Variants in LPCAT1 observed in about 807,000 individuals in gnomAD.
The protein encoded by LPCAT1 is 1-acylglycerol-3-phosphate O-acyltransferase.
Under a neutral mutation model 60.9 loss-of-function variants are expected in LPCAT1, and 23 were observed. The ratio of observed to expected loss-of-function variants is 0.38; its 90% confidence interval spans 0.27 to 0.53. The LOEUF (loss-of-function observed/expected upper bound fraction) is 0.53. Among genes scored for constraint, LPCAT1 ranks in the 20% least tolerant of loss-of-function variants. The pLI is 0.82. For missense variants in LPCAT1, 622 were observed against 723.6 expected, an observed-to-expected ratio of 0.86 and a Z score of 1.61; for synonymous variants, 340 against 301.1, an observed-to-expected ratio of 1.13 and a Z score of -1.34.
Position 1,523,050 on chromosome 5 carries a change from T to A in LPCAT1, c.135+660A>T, listed in dbSNP as rs538021628. Among the ~76,000 whole-genome samples, 15 of 152,250 alleles carry A rather than the reference T, an allele frequency of 9.9e-5. No homozygotes were observed. The highest frequency in any genetic ancestry group is 3.6e-4 in the African/African-American group (15 of 41,546). ...GGGTCAGACCAGCCCCGAGAAAGCA[T>A]CCCTTACAACAGGAGCGAAGCATGC... On this transcript the variant is annotated intron_variant, in intron 1 of 13. Transcript: ENST00000283415. This position sits in a 1 kb window ranked among gnomAD's most constrained non-coding sequence, Gnocchi z 7.1.
chr5:1,499,328 GA>G (rs1377304253), intron 2 of LPCAT1, among the ~76,000 whole-genome samples: 1 of 152,200 alleles, frequency 6.6e-6, no homozygotes, highest in Non-Finnish European at 1.5e-5. Flanking sequence ...GGAGTAAAGA[GA>G]AAGGGTGCCA....
At position 1,474,616 on chromosome 5, in the gene LPCAT1, G is replaced by T; in HGVS notation, c.969C>A (p.Leu323=). Residue 323 remains leucine (L), a synonymous_variant, in exon 10 of 14, where the codon CTC becomes CTA. Coordinates refer to ENST00000283415, the MANE Select transcript of LPCAT1 (RefSeq NM_024830.5). ...AAAGGCAAGTGTCAGCGGGGAGACG[G>T]AGCTGTCCTTCCGCCAGGGCCAGCT... The part of the protein sequence containing the change: ...DCQLALAEGQ[L]RLPADTCLLE... 6.2e-7 allele frequency: 1 copy of T among 1,614,012 alleles called. No homozygotes were observed. Among genetic ancestry groups the T allele is most frequent in the Non-Finnish European group, 8.5e-7 (1 of 1,180,006 alleles).
intron 1 of LPCAT1, among the ~76,000 whole-genome samples, chr5:1,518,363 C>T (rs1005449327): frequency 3.9e-5 from 6 of 152,184 alleles, no homozygotes; most frequent in Non-Finnish European, 8.8e-5. Context: ...TTTTTGGAGA[C>T]GGAGTCCGGC....
Position 1,521,514 on chromosome 5 carries a change from T to C in LPCAT1, c.135+2196A>G. ...GAATATATCACATCAAAGTAAAAGC[T>C]TTGCAAAGCAATGCTTGGTGAAAAG... On this transcript the variant is annotated intron_variant, in intron 1 of 13. Transcript: ENST00000283415. The surrounding 1 kb of genome is among the most constrained non-coding windows in gnomAD (Gnocchi z 4.3). 7 of 983,078 alleles carry C rather than the reference T, an allele frequency of 7.1e-6. No homozygotes were observed. The highest frequency in any genetic ancestry group is 8.5e-6 in the Non-Finnish European group (7 of 827,768). The allele number at this position is 983,078 out of a possible 1,614,324, so 60.9% of individuals were successfully genotyped here.
intron 1 of LPCAT1, among the ~76,000 whole-genome samples, chr5:1,519,646 G>C (rs1200392987): frequency 1.3e-5 from 2 of 152,230 alleles, no homozygotes; most frequent in Non-Finnish European, 2.9e-5. Context: ...CACAGCAGCT[G>C]GGCCTCTGTG....
chr5:1,505,891 C>T (rs1345952828), intron 1 of LPCAT1, among the ~76,000 whole-genome samples: 3 of 152,250 alleles, frequency 2.0e-5, no homozygotes, highest in African/African-American at 7.2e-5. Context: ...TGCCTGACCA[C>T]GTGACGCTCC....
Position 1,474,127 on chromosome 5 carries a change from G to A in LPCAT1, c.1026-17C>T, listed in dbSNP as rs753758133. 6.2e-7 allele frequency: 1 copy of A among 1,602,468 alleles called. No homozygotes were observed. On this transcript the variant is annotated splice_polypyrimidine_tract_variant and intron_variant, in intron 10 of 13. Coordinates refer to ENST00000283415, the MANE Select transcript of LPCAT1 (RefSeq NM_024830.5). ...GGTTTTAGCCTAGACAAAAAAAGAGGGAAAGCTTTCTTTTTCAATAAAATG... is the reference window on the plus strand; with the variant it reads ...GGTTTTAGCCTAGACAAAAAAAGAGAGAAAGCTTTCTTTTTCAATAAAATG...
At position 1,496,414 on chromosome 5, in the gene LPCAT1, C is replaced by CTA. The variant is rs1458599016; in HGVS notation, c.279-1501_279-1500insTA. Among the ~76,000 whole-genome samples, 43 of 144,484 alleles carry CTA rather than the reference C, an allele frequency of 3.0e-4. No individual in the cohort carries two copies. The highest frequency in any genetic ancestry group is 1.1e-3 in the African/African-American group (43 of 37,440). 94.8% of individuals were successfully genotyped at this position (144,484 alleles called of 152,430 possible). A position where few individuals can be genotyped will look rare whatever the true frequency, so the allele number is the denominator to read the frequency against. The stretch of plus-strand genomic sequence containing the variant: ...TACTCTTCTGTGCACATGTTATTTT[C>CTA]CACAAAAAAAAAAAAAAAGTACAAA... On this transcript the variant is annotated intron_variant, in intron 2 of 13. Transcript: ENST00000283415. This position sits in a 1 kb window ranked among gnomAD's most constrained non-coding sequence, Gnocchi z 4.7.
Position 1,521,359 on chromosome 5 carries a change from A to T in LPCAT1, c.135+2351T>A. Reference sequence around the variant, plus strand: ...TGCAGGTACTCACTGGTTTATCTCAACTGGGAACTTAGCTGGGTTTCTGCG... The same window carrying T: ...TGCAGGTACTCACTGGTTTATCTCATCTGGGAACTTAGCTGGGTTTCTGCG... On this transcript the variant is annotated intron_variant, in intron 1 of 13. Transcript: ENST00000283415. The surrounding 1 kb of genome is among the most constrained non-coding windows in gnomAD (Gnocchi z 4.3). The T allele has an allele frequency of 1.0e-6, 1 of 985,448 alleles. No homozygotes were observed. The highest frequency in any genetic ancestry group is 1.2e-6 in the Non-Finnish European group (1 of 829,936). The allele number at this position is 985,448 out of a possible 1,614,324, so 61.0% of individuals were successfully genotyped here. A position where few individuals can be genotyped will look rare whatever the true frequency, so the allele number is the denominator to read the frequency against.
chr5:1,504,759 T>C (rs1442662002), intron 1 of LPCAT1, among the ~76,000 whole-genome samples: 1 of 151,410 alleles, frequency 6.6e-6, no homozygotes, highest in East Asian at 1.9e-4. Flanking sequence ...TGGGTAAGTT[T>C]CTTCTTCCCA....
At chr5:1,494,610 G>T in intron 3 of LPCAT1, 90 bp downstream of exon 3, 1 of 1,241,290 alleles carries the variant, frequency 8.1e-7, no homozygotes, top group Non-Finnish European at 1.2e-6. Context: ...ACTCCCAGCA[G>T]GAGGGGAATC....
chr5:1,471,766 TA>T lies in LPCAT1; in HGVS notation c.1180-843del, dbSNP rs200199422. Reference sequence around the variant, plus strand: ...AAGAGAAGGTGGGGAGCACACAGGATAGGGGGGAGGACTCTGGCCAGACAGC... The same window carrying T: ...AAGAGAAGGTGGGGAGCACACAGGATGGGGGGAGGACTCTGGCCAGACAGC... On this transcript the variant is annotated intron_variant, in intron 11 of 13. Transcript: ENST00000283415. Among the ~76,000 whole-genome samples the T allele has an allele frequency of 4.4e-3, 626 of 142,656 alleles. 1 individual carries two copies. Among genetic ancestry groups the T allele is most frequent in the African/African-American group, 0.015 (561 of 37,428 alleles). The allele number at this position is 142,656 out of a possible 152,430, so 93.6% of individuals were successfully genotyped here.
At chr5:1,466,040 A>G (rs1734385278) in intron 13 of LPCAT1, among the ~76,000 whole-genome samples, 3 of 152,186 alleles carry the variant, frequency 2.0e-5, no homozygotes, top group Admixed American at 2.0e-4. Context: ...GTTTGCTCTA[A>G]GACCACCCTT....
Position 1,521,476 on chromosome 5 carries a change from G to A in LPCAT1, c.135+2234C>T, listed in dbSNP as rs914677539. On this transcript the variant is annotated intron_variant, in intron 1 of 13. Coordinates refer to ENST00000283415, the MANE Select transcript of LPCAT1 (RefSeq NM_024830.5). The surrounding 1 kb of genome is among the most constrained non-coding windows in gnomAD (Gnocchi z 4.3). Reference sequence around the variant, plus strand: ...TGAAAGACAGGCTATTTCACTCTGTGGAAACTTTACAAGAATATATCACAT... The same window carrying A: ...TGAAAGACAGGCTATTTCACTCTGTAGAAACTTTACAAGAATATATCACAT... 1.2e-5 allele frequency: 12 copies of A among 985,242 alleles called. No individual in the cohort carries two copies. The African/African-American group carries it at 1.6e-4, about 13-fold the overall frequency. 61.0% of individuals were successfully genotyped at this position (985,242 alleles called of 1,614,324 possible).
In LPCAT1 at chr5:1,463,613, C is replaced by G. The variant is rs748091987; in HGVS notation, c.*38G>C. On this transcript the variant is annotated 3_prime_UTR_variant, in exon 14 of 14. Transcript: ENST00000283415. ...CAAAGAGGCTCATGGCGGTGATGTC[C>G]ACGCGGGAGGGGCCGCGTCTCTCCG... is the stretch of plus-strand genomic sequence containing the variant. 1 of 1,605,136 alleles carries G rather than the reference C, an allele frequency of 6.2e-7. No homozygotes were observed. Among genetic ancestry groups the G allele is most frequent in the Non-Finnish European group, 8.5e-7 (1 of 1,174,942 alleles).
At chr5:1,519,683 G>T (rs1394437551) in intron 1 of LPCAT1, among the ~76,000 whole-genome samples, 1 of 152,346 alleles carries the variant, frequency 6.6e-6, no homozygotes, top group South Asian at 2.1e-4. Context: ...CTGGGGCAAA[G>T]GATGACAGTG....
intron 1 of LPCAT1, among the ~76,000 whole-genome samples, chr5:1,503,704 A>G (rs1311243845): frequency 6.6e-6 from 1 of 151,918 alleles, no homozygotes; most frequent in Non-Finnish European, 1.5e-5. Context: ...CCGTTGCTTC[A>G]CTGTTTCCAA....
intron 2 of LPCAT1, among the ~76,000 whole-genome samples, chr5:1,499,380 T>C (rs910919683): frequency 6.6e-6 from 1 of 152,122 alleles, no homozygotes; most frequent in Admixed American, 6.5e-5. Context: ...AGCACCACAT[T>C]CAGCCAGGTC....
In LPCAT1 at chr5:1,521,538, A is replaced by G; in HGVS notation, c.135+2172T>C. 1 of 953,898 alleles carries G rather than the reference A, an allele frequency of 1.0e-6. No homozygotes were observed. The allele number at this position is 953,898 out of a possible 1,614,324, so 59.1% of individuals were successfully genotyped here. A position where few individuals can be genotyped will look rare whatever the true frequency, so the allele number is the denominator to read the frequency against. On this transcript the variant is annotated intron_variant, in intron 1 of 13. Coordinates refer to ENST00000283415, the MANE Select transcript of LPCAT1 (RefSeq NM_024830.5). The surrounding 1 kb of genome is among the most constrained non-coding windows in gnomAD (Gnocchi z 4.3). The stretch of plus-strand genomic sequence containing the variant: ...CTTTGCAAAGCAATGCTTGGTGAAA[A>G]GCAAAATGTTTCTGCAGAGAACTTT...
Sources: gnomAD v4.1 joint callset for allele counts (sites outside exome capture counted in the v4.1 genomes callset) on GRCh38, gnomAD v4.1.1 for gene constraint, Gnocchi (gnomAD v3.1) non-coding constraint, MANE v1.5 for transcripts, NCBI Gene and HGNC (gene_info 2026-07-23, HGNC 2026-07-21) for gene names.